STPG4: variants seen among roughly 807,000 people sequenced by gnomAD.
The protein encoded by STPG4 is sperm-tail PG-rich repeat containing 4.
STPG4 carries 41 observed loss-of-function variants against 31.5 expected under a neutral mutation model. The observed-to-expected ratio is 1.30, with a 90% confidence interval of 1.01 to 1.69. The LOEUF is 1.69. Ranked by LOEUF, STPG4 falls within the 40% of genes most tolerant of loss-of-function variation. The pLI is 0.00. For synonymous variants in STPG4, 141 were observed against 103.0 expected (o/e 1.37, Z -2.24); for missense variants, 375 against 293.4 (o/e 1.28, Z -2.03).
chr2:47,151,158 C>A, intron 3 of STPG4, 100 bp downstream of exon 3: 1 of 1,408,358 alleles, frequency 7.1e-7, no homozygotes. Flanking sequence ...AAAGGTTTTC[C>A]ATTTCTCCTG....
At position 47,136,678 on chromosome 2, in the gene STPG4, C is replaced by T. The variant is rs189562975; in HGVS notation, c.400-6418G>A. 5.1e-3 allele frequency among the ~76,000 whole-genome samples: 769 copies of T among 152,262 alleles called. 14 individuals are homozygous for T. The highest frequency in any genetic ancestry group is 3.0e-3 in the Non-Finnish European group (206 of 68,020). On this transcript the variant is annotated intron_variant, in intron 3 of 6. Transcript: ENST00000445927. ...GTTTGAGAAGGAAGAGAAGTAAATT[C>T]ATTTCATCTAATCTTACAATTTCTA... is the stretch of plus-strand genomic sequence containing the variant.
At chr2:47,110,664 T>C (rs1364421031) in intron 5 of STPG4, among the ~76,000 whole-genome samples, 1 of 152,218 alleles carries the variant, frequency 6.6e-6, no homozygotes, top group Non-Finnish European at 1.5e-5. Flanking sequence ...CAATCACCTT[T>C]AGTCACTGTG....
chr2:47,149,324 T>C (rs1686892984), intron 3 of STPG4, among the ~76,000 whole-genome samples: 1 of 152,224 alleles, frequency 6.6e-6, no homozygotes, highest in Non-Finnish European at 1.5e-5. Context: ...CTTTCAACAC[T>C]GGGCCTTTGG....
In STPG4 at chr2:47,151,510, A is replaced by G. The variant is rs369436648; in HGVS notation, c.147T>C (p.Thr49=). The change falls in exon 3 of 7, where the codon ACT becomes ACC. Residue 49 remains threonine, a synonymous_variant. Coordinates refer to ENST00000445927, the MANE Select transcript of STPG4 (RefSeq NM_001163561.2). ...TCAAGTGGTAAGTGCCAGGTATAGG[A>G]GTATCCTGTGGAAAATTGACATCAG... ...EGWWRIALTD[T]PIPGTYHLKT... is the part of the protein sequence containing the mutation. 6.2e-7 allele frequency: 1 copy of G among 1,612,990 alleles called. No individual in the cohort carries two copies. The highest frequency in any genetic ancestry group is 8.5e-7 in the Non-Finnish European group (1 of 1,179,448).
chr2:47,098,470 AG>A (rs1685722545), intron 5 of STPG4, among the ~76,000 whole-genome samples: 1 of 152,222 alleles, frequency 6.6e-6, no homozygotes, highest in Non-Finnish European at 1.5e-5. Context: ...CTTGCTTCTC[AG>A]GGCTGGAAAG....
chr2:47,134,026 C>CTACATATACACATACATATACATA (rs1686544701), intron 3 of STPG4, among the ~76,000 whole-genome samples: 2 of 129,514 alleles, frequency 1.5e-5, no homozygotes, highest in African/African-American at 2.6e-5. Flanking sequence ...CTTGGTGTGA[C>CTACATATACACATACATATACATA]TACATATACA....
intron 3 of STPG4, among the ~76,000 whole-genome samples, chr2:47,137,476 G>C (rs1323384291): frequency 6.6e-6 from 1 of 152,178 alleles, no homozygotes; most frequent in Non-Finnish European, 1.5e-5. Flanking sequence ...TTGGTATTAT[G>C]ATGACACTGG....
chr2:47,123,943 A>C (rs1034650753), intron 5 of STPG4, among the ~76,000 whole-genome samples: 3 of 152,116 alleles, frequency 2.0e-5, no homozygotes, highest in African/African-American at 7.2e-5. Flanking sequence ...TCTTTATGTT[A>C]CAAACATGCC....
chr2:47,130,310 C>T (rs1180466687), intron 3 of STPG4, 50 bp from the exon 4 acceptor site: 1 of 1,450,654 alleles, frequency 6.9e-7, no homozygotes, highest in Admixed American at 1.7e-5. Flanking sequence ...GTTGTAAACT[C>T]ACTTCGTTAT....
chr2:47,096,887 C>T lies in STPG4; in HGVS notation c.520-6513G>A, dbSNP rs1009350412. 2.5e-4 allele frequency among the ~76,000 whole-genome samples: 38 copies of T among 152,102 alleles called. 1 individual carries two copies. The highest frequency in any genetic ancestry group is 8.7e-4 in the African/African-American group (36 of 41,410). Reference sequence around the variant, plus strand: ...CCACAGCAACCAAAAAGCAAACTGTCACAGAATAGAATTCAATATGAAATG... The same window carrying T: ...CCACAGCAACCAAAAAGCAAACTGTTACAGAATAGAATTCAATATGAAATG... On this transcript the variant is annotated intron_variant, in intron 5 of 6. Coordinates refer to ENST00000445927, the MANE Select transcript of STPG4 (RefSeq NM_001163561.2).
At chr2:47,093,315 G>C (rs940601853) in intron 5 of STPG4, among the ~76,000 whole-genome samples, 5 of 152,208 alleles carry the variant, frequency 3.3e-5, no homozygotes, top group African/African-American at 1.2e-4. Flanking sequence ...GTGTGACAGA[G>C]GTTGCTGTCA....
chr2:47,088,824 C>T (rs549155121), intron 6 of STPG4, among the ~76,000 whole-genome samples: 22 of 152,282 alleles, frequency 1.4e-4, no homozygotes, highest in African/African-American at 3.4e-4. Flanking sequence ...CCTAGCCAAA[C>T]GTCAAAGGAA....
chr2:47,127,364 G>A (rs1251274454), intron 5 of STPG4, among the ~76,000 whole-genome samples: 1 of 141,282 alleles, frequency 7.1e-6, no homozygotes, highest in East Asian at 2.2e-4. Context: ...CGCCTCCCAG[G>A]TTCAAGCGAT....
chr2:47,090,620 C>T (rs1419540441), intron 5 of STPG4, among the ~76,000 whole-genome samples: 1 of 152,174 alleles, frequency 6.6e-6, no homozygotes, highest in Non-Finnish European at 1.5e-5. Context: ...GCAGTACCTG[C>T]CTCCCTTCTC....
chr2:47,115,225 T>G (rs1007860216), intron 5 of STPG4, among the ~76,000 whole-genome samples: 2 of 152,102 alleles, frequency 1.3e-5, no homozygotes, highest in Non-Finnish European at 2.9e-5. Flanking sequence ...CTTCTAGAGT[T>G]TCCTATTTTC....
chr2:47,114,547 C>T lies in STPG4; in HGVS notation c.519+15394G>A, dbSNP rs138689188. Among the ~76,000 whole-genome samples, 12 of 152,168 alleles carry T rather than the reference C, an allele frequency of 7.9e-5. No individual in the cohort carries two copies. In the East Asian group the frequency reaches 2.1e-3, roughly 27 times the overall value. On this transcript the variant is annotated intron_variant, in intron 5 of 6. Coordinates refer to ENST00000445927, the MANE Select transcript of STPG4 (RefSeq NM_001163561.2). ...ATAATAAAAATAAAAGACTATGCAT[C>T]GTCTTATCACAGCATTTGTTTTTTA... is the stretch of plus-strand genomic sequence containing the variant.
intron 3 of STPG4, among the ~76,000 whole-genome samples, chr2:47,132,041 T>A (rs1163669340): frequency 6.6e-6 from 1 of 152,068 alleles, no homozygotes; most frequent in Non-Finnish European, 1.5e-5. Flanking sequence ...GGTGGGCACC[T>A]GTAATCCCAG....
intron 5 of STPG4, among the ~76,000 whole-genome samples, chr2:47,110,541 C>T (rs959604579): frequency 1.3e-5 from 2 of 152,300 alleles, no homozygotes; most frequent in African/African-American, 4.8e-5. Context: ...TTGCAGTGAG[C>T]CAAGATGGCA....
rs55992950 is a variant in STPG4 at position 47,118,831 on chromosome 2, C to A, written c.519+11110G>T. Among the ~76,000 whole-genome samples the A allele has an allele frequency of 2.0e-5, 3 of 152,044 alleles. No individual in the cohort carries two copies. In the East Asian group the frequency reaches 5.8e-4, roughly 29 times the overall value. ...GCACCTGGCACCAGAAGACACTAAA[C>A]GGGTGGTAGTCAAGATCATTATCAA... On this transcript the variant is annotated intron_variant, in intron 5 of 6. Coordinates refer to ENST00000445927, the MANE Select transcript of STPG4 (RefSeq NM_001163561.2).
Sources: allele counts gnomAD v4.1 joint callset (sites outside exome capture counted in the v4.1 genomes callset), GRCh38; gene constraint gnomAD v4.1.1; transcripts MANE v1.5; gene names NCBI Gene and HGNC (gene_info 2026-07-23, HGNC 2026-07-21).